H3-3A: variants seen among roughly 807,000 people sequenced by gnomAD.
H3-3A encodes histone H3.3.
For synonymous variants in H3-3A, 49 were observed against 61.4 expected (o/e 0.80, Z 0.95); for missense variants, 7 against 184.0 (o/e 0.04, Z 5.57).
chr1:226,067,477 A>T (rs1657966789), intron 3 of H3-3A, among the ~76,000 whole-genome samples: 1 of 152,110 alleles, frequency 6.6e-6, no homozygotes, highest in African/African-American at 2.4e-5. Flanking sequence ...CGTGACTCAC[A>T]TCTGTAATCC....
At chr1:226,067,603 G>A (rs888709737) in intron 3 of H3-3A, among the ~76,000 whole-genome samples, 4 of 151,992 alleles carry the variant, frequency 2.6e-5, no homozygotes, top group East Asian at 1.9e-4. Flanking sequence ...TTAGCTTGGC[G>A]TGGTGGCAGG....
intron 1 of H3-3A, 110 bp from the exon 2 acceptor site, chr1:226,064,219 T>C: frequency 2.7e-6 from 2 of 730,282 alleles, no homozygotes; most frequent in Non-Finnish European, 4.5e-6. Flanking sequence ...ACGAACATTA[T>C]TTTTTATACT....
chr1:226,062,419 G>A (rs1657739066), upstream of H3-3A, among the ~76,000 whole-genome samples: 1 of 151,364 alleles, frequency 6.6e-6, no homozygotes, highest in African/African-American at 2.4e-5. Context: ...GTGCAGGGCC[G>A]GGGGCGGGGG....
At chr1:226,063,252 C>G (rs910150831) in intron 1 of H3-3A, among the ~76,000 whole-genome samples, 1 of 152,106 alleles carries the variant, frequency 6.6e-6, no homozygotes, top group Non-Finnish European at 1.5e-5. Flanking sequence ...TTTGCTGCCT[C>G]CCCACAGTTG....
At chr1:226,067,412 CTTT>C (rs1373474887) in intron 3 of H3-3A, 1 of 152,068 alleles carries the variant, frequency 6.6e-6, no homozygotes, top group Non-Finnish European at 1.5e-5. Flanking sequence ...TTTCTGTTTG[CTTT>C]TTTATGCATA....
chr1:226,071,318 TC>T (rs775062388), intron 3 of H3-3A, 32 bp from the exon 4 acceptor site: 1 of 1,586,926 alleles, frequency 6.3e-7, no homozygotes, highest in Non-Finnish European at 8.6e-7. Context: ...GGAAATAACA[TC>T]ATCAGTAATT....
intron 3 of H3-3A, among the ~76,000 whole-genome samples, chr1:226,067,998 C>T (rs1657982192): frequency 6.6e-6 from 1 of 152,184 alleles, no homozygotes; most frequent in Non-Finnish European, 1.5e-5. Flanking sequence ...CTCAAATATT[C>T]TTGTGTTAAG....
At chr1:226,062,613 T>C (rs1391133755), upstream of H3-3A, 4 of 136,316 alleles carry the variant, frequency 2.9e-5, no homozygotes, top group Non-Finnish European at 6.4e-5. Context: ...CGAGAGGAGC[T>C]ATGGGGGCGG....
chr1:226,065,514 A>G lies in H3-3A; in HGVS notation c.129-142A>G, dbSNP rs572550195. 2.4e-4 allele frequency: 135 copies of G among 567,488 alleles called. No homozygotes were observed. In the Middle Eastern group the frequency reaches 3.2e-3, roughly 13 times the overall value. 35.2% of individuals were successfully genotyped at this position (567,488 alleles called of 1,614,324 possible). ...ATTTGAATGTTCACATCTTAAGTTG[A>G]TCAGTGAAATTTGATACTGAAGCTG... On this transcript the variant is annotated intron_variant, in intron 2 of 3. Transcript: ENST00000366815.
intron 2 of H3-3A, among the ~76,000 whole-genome samples, chr1:226,065,354 C>G (rs1657890979): frequency 6.6e-6 from 1 of 152,050 alleles, no homozygotes; most frequent in African/African-American, 2.4e-5. Context: ...CTTCATTAGC[C>G]TGACAGCTAA....
intron 3 of H3-3A, among the ~76,000 whole-genome samples, chr1:226,069,818 A>G (rs1326622418): frequency 6.6e-6 from 1 of 152,138 alleles, no homozygotes; most frequent in Non-Finnish European, 1.5e-5. Flanking sequence ...GCTACAGAGC[A>G]AGACTCAAAC....
intron 2 of H3-3A, among the ~76,000 whole-genome samples, 198 bp from the exon 3 acceptor site, chr1:226,065,458 A>G (rs1268633382): frequency 6.6e-6 from 1 of 152,228 alleles, no homozygotes; most frequent in African/African-American, 2.4e-5. Flanking sequence ...TTTTAATTTC[A>G]TGCTTTTTGC....
intron 3 of H3-3A, chr1:226,066,482 A>G (rs183985096): frequency 6.6e-6 from 1 of 152,340 alleles, no homozygotes; most frequent in Admixed American, 6.5e-5. Context: ...ACTTAGAGAA[A>G]TACTGTTCTA....
chr1:226,064,142 CT>C, intron 1 of H3-3A, 186 bp from the exon 2 acceptor site: 1 of 490,260 alleles, frequency 2.0e-6, no homozygotes, highest in Non-Finnish European at 3.7e-6. Context: ...TTTTCTAGTA[CT>C]CTAGTTTGTT....
chr1:226,068,490 T>G (rs1211128978), intron 3 of H3-3A, among the ~76,000 whole-genome samples: 1 of 152,216 alleles, frequency 6.6e-6, no homozygotes, highest in Non-Finnish European at 1.5e-5. Flanking sequence ...AAAATTAAAC[T>G]GTTTTCTTTC....
intron 1 of H3-3A, 45 bp from the exon 2 acceptor site, chr1:226,064,284 T>C (rs1183467529): frequency 1.4e-6 from 2 of 1,408,236 alleles, no homozygotes; most frequent in Non-Finnish European, 1.0e-6. Flanking sequence ...AAGTTGTATG[T>C]TTGGTAGTTG....
intron 1 of H3-3A, among the ~76,000 whole-genome samples, chr1:226,063,210 G>A (rs187153427): frequency 6.6e-6 from 1 of 151,978 alleles, no homozygotes; most frequent in Admixed American, 6.5e-5. Flanking sequence ...GGTGGAAATC[G>A]CCGCCGCTTC....
At chr1:226,069,670 A>G (rs111242638) in intron 3 of H3-3A, among the ~76,000 whole-genome samples, 3,428 of 152,180 alleles carry the variant, frequency 0.023, 101 homozygotes, top group African/African-American at 0.063. Context: ...CATCTCTACT[A>G]AAAATACAAA....
Position 226,064,429 on chromosome 1 carries a change from T to C in H3-3A, c.78T>C (p.Ala26=), listed in dbSNP as rs200633260. 6.5e-4 allele frequency: 1,054 copies of C among 1,612,752 alleles called. 2 individuals are homozygous for C. Among genetic ancestry groups the C allele is most frequent in the Non-Finnish European group, 7.7e-4 (904 of 1,179,024 alleles). The part of the protein sequence containing the change: ...APRKQLATKA[A]RKSAPSTGGV... ...GGAAGCAACTGGCTACAAAAGCCGC[T>C]CGCAAGAGTGCGCCCTCTACTGGAG... The change falls in exon 2 of 4, where the codon GCT becomes GCC. Residue 26 remains alanine (A), a synonymous_variant. Coordinates refer to ENST00000366815, the MANE Select transcript of H3-3A (RefSeq NM_002107.7).
Sources: gnomAD v4.1 joint callset for allele counts (sites outside exome capture counted in the v4.1 genomes callset) on GRCh38, gnomAD v4.1.1 for gene constraint, MANE v1.5 for transcripts, NCBI Gene and HGNC (gene_info 2026-07-23, HGNC 2026-07-21) for gene names.